KCTD20: variants seen among roughly 807,000 people sequenced by gnomAD.
KCTD20 encodes BTB/POZ domain-containing protein KCTD20.
In KCTD20, 30 loss-of-function variants were observed where a neutral mutation model predicts 39.6. That is an observed-to-expected ratio of 0.76 (90% CI 0.57 to 1.03). The LOEUF (loss-of-function observed/expected upper bound fraction) is 1.03. KCTD20 is among the 50% of genes least tolerant of loss of function. The pLI is 0.00. For synonymous variants in KCTD20, 162 were observed against 180.6 expected (o/e 0.90, Z 0.83); for missense variants, 422 against 522.0 (o/e 0.81, Z 1.87).
chr6:36,485,480 G>GC (rs1185873299), intron 7 of KCTD20, among the ~76,000 whole-genome samples: 2 of 148,632 alleles, frequency 1.3e-5, no homozygotes, highest in Admixed American at 6.9e-5. Flanking sequence ...CTCCTACGTG[G>GC]AGTGGATCTT....
At chr6:36,456,578 CTTTTTTTTTTTTT>C (rs58002986) in intron 1 of KCTD20, among the ~76,000 whole-genome samples, 2 of 106,982 alleles carry the variant, frequency 1.9e-5, no homozygotes, top group Admixed American at 1.1e-4. Flanking sequence ...CACGCCCAGG[CTTTTTTTTTTTTT>C]TTTTTTTTTT....
intron 7 of KCTD20, among the ~76,000 whole-genome samples, chr6:36,485,693 C>T (rs1776398222): frequency 6.6e-6 from 1 of 152,092 alleles, no homozygotes; most frequent in South Asian, 2.1e-4. Context: ...CGGTGTTTCA[C>T]TTTGTTAGCC....
At chr6:36,462,940 A>C (rs1471886118) in intron 1 of KCTD20, among the ~76,000 whole-genome samples, 2 of 152,184 alleles carry the variant, frequency 1.3e-5, no homozygotes, top group Non-Finnish European at 2.9e-5. Flanking sequence ...TTACCTTATA[A>C]TCTAAGTGCC....
At chr6:36,462,433 A>G (rs575049275) in intron 1 of KCTD20, among the ~76,000 whole-genome samples, 30 of 152,356 alleles carry the variant, frequency 2.0e-4, no homozygotes, top group African/African-American at 4.6e-4. Flanking sequence ...TGAAAAGACT[A>G]TACTGAAACA....
chr6:36,448,015 G>GTGTGTGTGTATATATA (rs559687288), intron 1 of KCTD20, among the ~76,000 whole-genome samples: 1 of 128,944 alleles, frequency 7.8e-6, no homozygotes, highest in African/African-American at 3.4e-5. Context: ...ATGTGTGTGT[G>GTGTGTGTGTATATATA]TATATATATA....
At chr6:36,457,363 A>G (rs1329337579) in intron 1 of KCTD20, among the ~76,000 whole-genome samples, 2 of 152,204 alleles carry the variant, frequency 1.3e-5, no homozygotes, top group African/African-American at 4.8e-5. Flanking sequence ...TTGTAATTTT[A>G]CCAATACTGA....
intron 1 of KCTD20, among the ~76,000 whole-genome samples, chr6:36,449,508 G>A (rs993801014): frequency 2.0e-5 from 3 of 151,986 alleles, no homozygotes; most frequent in African/African-American, 2.4e-5. Context: ...GCTGATTGGT[G>A]CATTTATAAT....
chr6:36,474,744 G>A (rs1776012026), intron 2 of KCTD20, 45 bp from the exon 3 acceptor site: 3 of 1,482,046 alleles, frequency 2.0e-6, no homozygotes, highest in Non-Finnish European at 2.7e-6. Context: ...TTCTCTCAAG[G>A]CTTTTGCTCT....
chr6:36,457,281 T>C (rs114801701), intron 1 of KCTD20, among the ~76,000 whole-genome samples: 3 of 152,240 alleles, frequency 2.0e-5, no homozygotes, highest in African/African-American at 7.2e-5. Context: ...AAATCACTTA[T>C]CTGATGCTTT....
At chr6:36,477,776 A>T in intron 3 of KCTD20, among the ~76,000 whole-genome samples, 1 of 137,006 alleles carries the variant, frequency 7.3e-6, no homozygotes, top group Non-Finnish European at 1.6e-5. Context: ...GAGCCACCAC[A>T]CCCGGCCGAA....
chr6:36,485,978 C>T (rs1043008105), intron 7 of KCTD20, among the ~76,000 whole-genome samples: 2 of 152,088 alleles, frequency 1.3e-5, no homozygotes, highest in Admixed American at 6.6e-5. Flanking sequence ...AATCATGGCT[C>T]ACTGCAGCCT....
At chr6:36,468,398 T>G (rs1775822276) in intron 1 of KCTD20, among the ~76,000 whole-genome samples, 1 of 152,222 alleles carries the variant, frequency 6.6e-6, no homozygotes, top group Admixed American at 6.5e-5. Context: ...GCAGGCTCAG[T>G]CAAGCTTATT....
chr6:36,450,177 A>C (rs1429850483), intron 1 of KCTD20, among the ~76,000 whole-genome samples: 1 of 144,166 alleles, frequency 6.9e-6, no homozygotes, highest in East Asian at 2.0e-4. Flanking sequence ...AAAAAAAAAA[A>C]AAAAAAAAAA....
At chr6:36,483,460 G>A (rs1359821582) in intron 6 of KCTD20, among the ~76,000 whole-genome samples, 3 of 151,810 alleles carry the variant, frequency 2.0e-5, no homozygotes, top group Admixed American at 6.6e-5. Flanking sequence ...TGATCCACCC[G>A]CCTCAGCCTC....
At position 36,479,217 on chromosome 6, in the gene KCTD20, A is replaced by C. The variant is rs115127137; in HGVS notation, c.531A>C (p.Thr177=). The change falls in exon 4 of 8, where the codon ACA becomes ACC. Residue 177 remains threonine (T), a synonymous_variant. Coordinates refer to ENST00000373731, the MANE Select transcript of KCTD20 (RefSeq NM_173562.5). ...GCATCAGTGCAACTGTATTTCGCACAGTGCTGGTGTGTGGTAGCCTTTTTT... is the reference window on the plus strand; with the variant it reads ...GCATCAGTGCAACTGTATTTCGCACCGTGCTGGTGTGTGGTAGCCTTTTTT... ...AEGISATVFR[T]VLDYYKTGII... is the part of the protein sequence containing the mutation. 5.9e-4 allele frequency: 951 copies of C among 1,610,144 alleles called. 4 individuals are homozygous for C. In the African/African-American group the frequency reaches 0.011, roughly 18 times the overall value.
At chr6:36,453,510 GTTTTTTGT>G (rs1775331772) in intron 1 of KCTD20, among the ~76,000 whole-genome samples, 1 of 144,848 alleles carries the variant, frequency 6.9e-6, no homozygotes, top group African/African-American at 2.6e-5. Context: ...CTAATGTTTT[GTTTTTTGT>G]TTTTTTTTTT....
At chr6:36,459,084 T>G (rs933028496) in intron 1 of KCTD20, among the ~76,000 whole-genome samples, 2 of 152,180 alleles carry the variant, frequency 1.3e-5, no homozygotes, top group African/African-American at 4.8e-5. Flanking sequence ...GGTGGGTGGA[T>G]CACTTGATAT....
chr6:36,448,015 G>GTGTGTGTATATATATATATATATATATA (rs559687288), intron 1 of KCTD20, among the ~76,000 whole-genome samples: 16 of 128,938 alleles, frequency 1.2e-4, no homozygotes, highest in African/African-American at 5.2e-4. Context: ...ATGTGTGTGT[G>GTGTGTGTATATATATATATATATATATA]TATATATATA....
chr6:36,471,999 C>T (rs968090443), intron 2 of KCTD20, among the ~76,000 whole-genome samples: 1 of 152,102 alleles, frequency 6.6e-6, no homozygotes, highest in African/African-American at 2.4e-5. Context: ...CAGGCACCTG[C>T]CACCATGCCC....
Sources: allele counts gnomAD v4.1 joint callset (sites outside exome capture counted in the v4.1 genomes callset), GRCh38; gene constraint gnomAD v4.1.1; transcripts MANE v1.5; gene names NCBI Gene and HGNC (gene_info 2026-07-23, HGNC 2026-07-21).